IPO11: variants seen among roughly 807,000 people sequenced by gnomAD.
IPO11 encodes the protein importin 11, also known as importin-11.
A neutral mutation model predicts 143.2 loss-of-function variants in IPO11; 66 were observed. The ratio of observed to expected loss-of-function variants is 0.46; its 90% CI spans 0.38 to 0.57. The LOEUF is 0.57. Ranked by LOEUF, IPO11 falls within the 20% of genes least tolerant of loss-of-function variation. IPO11 has a pLI of 0.00. For missense variants in IPO11, 1,026 were observed against 1,141.0 expected (o/e 0.90, Z 1.45); for synonymous variants, 385 against 377.8 (o/e 1.02, Z -0.22).
chr5:62,586,761 AAAAAAAAATATAT>A (rs1166195581), intron 27 of IPO11, among the ~76,000 whole-genome samples: 1,255 of 98,842 alleles, frequency 0.013, 10 homozygotes, highest in Non-Finnish European at 0.015. Context: ...CCAAAAAAAA[AAAAAAAAATATAT>A]ATATATATAT....
At position 62,581,171 on chromosome 5, in the gene IPO11, A is replaced by G. The variant is rs1047652228; in HGVS notation, c.2583-10406A>G. 9 of 1,551,278 alleles carry G rather than the reference A, an allele frequency of 5.8e-6. No homozygotes were observed. The African/African-American group carries it at 1.2e-4, about 21-fold the overall frequency. On this transcript the variant is annotated intron_variant, in intron 27 of 29. Transcript: ENST00000325324. ...TACAGCTTTTATCAGTCAGCAAGGT[A>G]TAATGTAACTGCCTCAATTTGTAAC... is the stretch of plus-strand genomic sequence containing the variant.
intron 21 of IPO11, among the ~76,000 whole-genome samples, chr5:62,527,597 A>C (rs1167735701): frequency 6.6e-6 from 1 of 152,240 alleles, no homozygotes; most frequent in Non-Finnish European, 1.5e-5. Flanking sequence ...GATTAGACTC[A>C]GAATTATCAG....
At chr5:62,544,811 A>G (rs1743098744) in intron 24 of IPO11, among the ~76,000 whole-genome samples, 1 of 152,110 alleles carries the variant, frequency 6.6e-6, no homozygotes, top group Non-Finnish European at 1.5e-5. Flanking sequence ...CCAATAACAG[A>G]CAGAGAGCCA....
chr5:62,582,959 A>G (rs1435110276), intron 27 of IPO11, among the ~76,000 whole-genome samples: 1 of 152,186 alleles, frequency 6.6e-6, no homozygotes, highest in African/African-American at 2.4e-5. Flanking sequence ...TATATTAGAA[A>G]TTGCATAAAT....
chr5:62,618,848 C>T (rs1216282536), intron 29 of IPO11, among the ~76,000 whole-genome samples: 1 of 152,168 alleles, frequency 6.6e-6, no homozygotes, highest in African/African-American at 2.4e-5. Context: ...AAGCCCCTCT[C>T]CTCAAATGTT....
At chr5:62,527,817 C>G (rs1170391039) in intron 21 of IPO11, among the ~76,000 whole-genome samples, 1 of 152,080 alleles carries the variant, frequency 6.6e-6, no homozygotes, top group Non-Finnish European at 1.5e-5. Flanking sequence ...AGAGTACATC[C>G]TTCTTCATGA....
At chr5:62,576,466 T>A (rs1423511337) in intron 27 of IPO11, among the ~76,000 whole-genome samples, 1 of 152,194 alleles carries the variant, frequency 6.6e-6, no homozygotes, top group Non-Finnish European at 1.5e-5. Context: ...TAAACCAATC[T>A]TGATTGGTTT....
At position 62,628,575 on chromosome 5, in the gene IPO11, A is replaced by T. The variant is rs1363398112; in HGVS notation, c.*1257A>T. On this transcript the variant is annotated 3_prime_UTR_variant, in exon 30 of 30. Transcript: ENST00000325324. ...ATGGTCCAAATTAAATTTTCCAAAG[A>T]TACCTCACCTTGGACTGATTTGTCT... 6.6e-6 allele frequency: 1 copy of T among 152,620 alleles called. No homozygotes were observed. The highest frequency in any genetic ancestry group is 2.4e-5 in the African/African-American group (1 of 41,446). 9.5% of individuals were successfully genotyped at this position (152,620 alleles called of 1,614,324 possible). A position where few individuals can be genotyped will look rare whatever the true frequency, so the allele number is the denominator to read the frequency against.
chr5:62,426,262 C>A (rs2112106508), intron 1 of IPO11, among the ~76,000 whole-genome samples: 1 of 152,294 alleles, frequency 6.6e-6, no homozygotes, highest in Non-Finnish European at 1.5e-5. Flanking sequence ...TGGCGGGTAC[C>A]TGTAATCCCA....
intron 28 of IPO11, among the ~76,000 whole-genome samples, chr5:62,598,397 T>C (rs1379148069): frequency 2.1e-4 from 2 of 9,310 alleles, no homozygotes; most frequent in African/African-American, 3.8e-3. Flanking sequence ...GCTTGCTTTC[T>C]TTCTTTCTTT....
chr5:62,551,281 A>G lies in IPO11; in HGVS notation c.2405A>G (p.Asn802Ser), dbSNP rs1235329200. ...GTTATGGGTCGAGTTCTACTACAAA[A>G]CACTAGTTTTTTTTCTTCACTACTT... The part of the protein sequence containing the change: ...LGVMGRVLLQ[N>S]TSFFSSLLNE... The change falls in exon 26 of 30, where the codon AAC becomes AGC. Residue 802 changes from asparagine to serine, a missense_variant. Asn to Ser is a conservative substitution (Grantham distance 46, BLOSUM62 1). Transcript: ENST00000325324. 6.2e-7 allele frequency: 1 copy of G among 1,610,970 alleles called. No individual in the cohort carries two copies. Among genetic ancestry groups the G allele is most frequent in the East Asian group, 2.2e-5 (1 of 44,702 alleles).
At chr5:62,435,701 G>A (rs1744202072) in intron 1 of IPO11, among the ~76,000 whole-genome samples, 1 of 151,536 alleles carries the variant, frequency 6.6e-6, no homozygotes, top group African/African-American at 2.4e-5. Flanking sequence ...CTCCAGCCTG[G>A]GCAACAGAGC....
intron 14 of IPO11, 100 bp from the exon 15 acceptor site, chr5:62,490,015 G>C (rs1272693458): frequency 1.3e-5 from 7 of 535,076 alleles, no homozygotes; most frequent in Non-Finnish European, 2.0e-5. Flanking sequence ...TCCCTGATTA[G>C]CATATTGTGT....
chr5:62,588,413 G>A (rs763930241), intron 27 of IPO11, among the ~76,000 whole-genome samples: 10 of 151,882 alleles, frequency 6.6e-5, no homozygotes, highest in Non-Finnish European at 1.5e-4. Context: ...CTTCTTTTTT[G>A]TAGAGACAAG....
In IPO11 at chr5:62,449,958, C is replaced by T. The variant is rs1171733432; in HGVS notation, c.271C>T (p.Arg91Cys). 3.1e-6 allele frequency: 5 copies of T among 1,595,472 alleles called. No homozygotes were observed. Among genetic ancestry groups the T allele is most frequent in the East Asian group, 4.5e-5 (2 of 44,032 alleles). The change falls in exon 4 of 30, where the codon CGT becomes TGT. Residue 91 changes from arginine (R) to cysteine (C), a missense_variant. Arg to Cys is a radical substitution (Grantham distance 180). Around this residue, in one of 5 missense-constraint regions of IPO11, gnomAD observed 429 missense variants for 456.3 expected, o/e 0.94. Coordinates refer to ENST00000325324, the MANE Select transcript of IPO11 (RefSeq NM_016338.5). Reference sequence around the variant, plus strand: ...CTCAGAGGAGGAGAAAACTACTCTGCGTGCAGGGCTCATCACCAACTTCAA... The same window carrying T: ...CTCAGAGGAGGAGAAAACTACTCTGTGTGCAGGGCTCATCACCAACTTCAA... Reference protein sequence around the residue: ...ALSEEEKTTLRAGLITNFNEP... With the variant: ...ALSEEEKTTLCAGLITNFNEP...
At chr5:62,500,653 A>G (rs1158024085) in intron 16 of IPO11, among the ~76,000 whole-genome samples, 1 of 152,072 alleles carries the variant, frequency 6.6e-6, no homozygotes, top group Non-Finnish European at 1.5e-5. Flanking sequence ...GCATGTTACC[A>G]GGCCTTCCTA....
At chr5:62,620,086 A>T (rs990548604) in intron 29 of IPO11, among the ~76,000 whole-genome samples, 45 of 152,098 alleles carry the variant, frequency 3.0e-4, no homozygotes, top group Non-Finnish European at 2.5e-4. Flanking sequence ...ATTTTAAGAG[A>T]TTTATTCTGA....
chr5:62,507,717 A>G (rs1020721305), intron 19 of IPO11, among the ~76,000 whole-genome samples: 10 of 152,144 alleles, frequency 6.6e-5, no homozygotes, highest in African/African-American at 2.4e-4. Context: ...TCTTAGATAA[A>G]ACTTTTTTTT....
chr5:62,549,284 C>T lies in IPO11; in HGVS notation c.2251-1083C>T, dbSNP rs186978502. Among the ~76,000 whole-genome samples the T allele has an allele frequency of 8.8e-3, 1,334 of 152,238 alleles. 75 individuals carry two copies. The highest frequency in any genetic ancestry group is 0.079 in the Admixed American group (1,201 of 15,280). On this transcript the variant is annotated intron_variant, in intron 24 of 29. Coordinates refer to ENST00000325324, the MANE Select transcript of IPO11 (RefSeq NM_016338.5). ...ATCTTTTATTTGGACCTTACCTTCA[C>T]TTCTTGCTCAAAATTAGAGCAGCAA... is the stretch of plus-strand genomic sequence containing the variant.
Sources: allele counts gnomAD v4.1 joint callset (sites outside exome capture counted in the v4.1 genomes callset), GRCh38; gene constraint gnomAD v4.1.1; regional missense constraint gnomAD v4.1.1; transcripts MANE v1.5; gene names NCBI Gene and HGNC (gene_info 2026-07-23, HGNC 2026-07-21).